Variants in TRANK1 observed in about 807,000 individuals in gnomAD.
The protein encoded by TRANK1 is TPR and ankyrin repeat-containing protein 1.
In TRANK1, 198 loss-of-function variants were observed where a neutral mutation model predicts 266.0. That is an observed-to-expected ratio of 0.74 (90% CI 0.66 to 0.84). The LOEUF (loss-of-function observed/expected upper bound fraction) is 0.84. TRANK1 is among the 40% of genes least tolerant of loss of function. The pLI, the probability that TRANK1 is intolerant of heterozygous loss-of-function variation, is 0.00. For synonymous variants in TRANK1, 1,396 were observed against 1,384.1 expected (o/e 1.01, Z -0.19); for missense variants, 3,326 against 3,634.6 (o/e 0.92, Z 2.18).
intron 8 of TRANK1, among the ~76,000 whole-genome samples, chr3:36,881,676 A>G (rs2079533864): frequency 6.6e-6 from 1 of 152,198 alleles, no homozygotes; most frequent in Non-Finnish European, 1.5e-5. Context: ...ATGAAGTTGT[A>G]CAACCATCAC....
In TRANK1 at chr3:36,890,102, T is replaced by C. The variant is rs1575269935; in HGVS notation, c.776-142A>G. On this transcript the variant is annotated intron_variant, in intron 7 of 23. Transcript: ENST00000645898. Reference sequence around the variant, plus strand: ...TGTGGACCACGCTAAGGTAACCAAATGAGGAATCCAACATACGTTTCCACT... The same window carrying C: ...TGTGGACCACGCTAAGGTAACCAAACGAGGAATCCAACATACGTTTCCACT... 40 of 1,125,592 alleles carry C rather than the reference T, an allele frequency of 3.6e-5. No individual in the cohort carries two copies. The East Asian group carries it at 1.0e-3, about 28-fold the overall frequency. 69.7% of individuals were successfully genotyped at this position (1,125,592 alleles called of 1,614,324 possible).
At chr3:36,905,459 A>G (rs1000798746) in intron 2 of TRANK1, among the ~76,000 whole-genome samples, 12 of 152,316 alleles carry the variant, frequency 7.9e-5, no homozygotes, top group Non-Finnish European at 1.6e-4. Context: ...CTTTGCACGT[A>G]ACACAGTGAG....
intron 1 of TRANK1, among the ~76,000 whole-genome samples, chr3:36,909,248 G>T (rs1413870637): frequency 6.6e-6 from 1 of 152,172 alleles, no homozygotes; most frequent in East Asian, 1.9e-4. Context: ...AACATAAGGG[G>T]TACTTAAATA....
rs576614473 is a variant in TRANK1, at chr3:36,881,304, T to C, written c.908-7008A>G. On this transcript the variant is annotated intron_variant, in intron 8 of 23. Transcript: ENST00000645898. ...CCATCTCTACTAAAAATACAAAAAT[T>C]AGCCAGGCATGGTGGCATGCGCCTG... 2.1e-3 allele frequency among the ~76,000 whole-genome samples: 322 copies of C among 152,066 alleles called. 2 individuals carry two copies. Among genetic ancestry groups the C allele is most frequent in the African/African-American group, 7.1e-3 (295 of 41,476 alleles).
In TRANK1 at chr3:36,917,561, T is replaced by C. The variant is rs368931413; in HGVS notation, c.24-9107A>G. ...TTCTTTCTTTCTTTTTGTGTATTTA[T>C]CTGTTTGTTTAAGGGAGGGCAGGAG... On this transcript the variant is annotated intron_variant, in intron 1 of 23. Coordinates refer to ENST00000645898, the MANE Select transcript of TRANK1 (RefSeq NM_001329998.2). Among the ~76,000 whole-genome samples the C allele has an allele frequency of 3.3e-5, 5 of 152,294 alleles. No individual in the cohort carries two copies. The East Asian group carries it at 5.8e-4, about 18-fold the overall frequency.
intron 1 of TRANK1, among the ~76,000 whole-genome samples, chr3:36,914,135 G>T (rs903525414): frequency 1.3e-5 from 2 of 151,474 alleles, no homozygotes; most frequent in Admixed American, 6.6e-5. Context: ...GGTTTGTTTT[G>T]TTTTTGTTTT....
At chr3:36,913,085 A>C (rs1471750027) in intron 1 of TRANK1, among the ~76,000 whole-genome samples, 3 of 149,486 alleles carry the variant, frequency 2.0e-5, no homozygotes, top group African/African-American at 7.5e-5. Flanking sequence ...TCTGTCACCC[A>C]GGCTGGAGTG....
rs2079484792 is a variant in TRANK1, at chr3:36,879,903, T to C, written c.908-5607A>G. 2.5e-5 allele frequency among the ~76,000 whole-genome samples: 2 copies of C among 78,998 alleles called. 1 individual carries two copies. The highest frequency in any genetic ancestry group is 4.4e-5 in the Non-Finnish European group (2 of 45,832). 51.8% of individuals were successfully genotyped at this position (78,998 alleles called of 152,430 possible). A position where few individuals can be genotyped will look rare whatever the true frequency, so the allele number is the denominator to read the frequency against. ...ATATATGTAAACATGCAAATATATG[T>C]AAACATGCAAATATATGTAAACATG... On this transcript the variant is annotated intron_variant, in intron 8 of 23. Coordinates refer to ENST00000645898, the MANE Select transcript of TRANK1 (RefSeq NM_001329998.2).
At chr3:36,874,997 T>C (rs1425058267) in intron 8 of TRANK1, among the ~76,000 whole-genome samples, 2 of 146,192 alleles carry the variant, frequency 1.4e-5, no homozygotes, top group Admixed American at 6.9e-5. Context: ...ACTGCACTTC[T>C]CCCACTTTAC....
rs765286964 is a variant in TRANK1 at position 36,856,782 on chromosome 3, G to A, written c.2940C>T (p.Gly980=). The A allele has an allele frequency of 6.2e-7, 1 of 1,613,982 alleles. No individual in the cohort carries two copies. The highest frequency in any genetic ancestry group is 8.5e-7 in the Non-Finnish European group (1 of 1,179,894). Residue 980 remains glycine (G), a synonymous_variant, in exon 13 of 24, where the codon GGC becomes GGT. Transcript: ENST00000645898. The part of the protein sequence containing the change: ...LRKKLKGINK[G]QVSANMKIQK... ...GAATTTTCATGTTAGCTGACACTTG[G>A]CCTTTATTGATACCTTTCAGCTTCT... is the stretch of plus-strand genomic sequence containing the variant.
rs2079841453 is a variant in TRANK1, at chr3:36,899,323, A to G, written c.283-64T>C. On this transcript the variant is annotated intron_variant, in intron 3 of 23. Transcript: ENST00000645898. The stretch of plus-strand genomic sequence containing the variant: ...TCTCCTTTAACCTGCTGGTGAAAGA[A>G]AAAGCAAAATTGGCAACATGGGAAA... 3.4e-6 allele frequency: 5 copies of G among 1,489,998 alleles called. No homozygotes were observed. In the Admixed American group the frequency reaches 1.2e-4, roughly 35 times the overall value. The allele number at this position is 1,489,998 out of a possible 1,614,324, so 92.3% of individuals were successfully genotyped here.
At chr3:36,944,083 C>A (rs1354116360) in intron 1 of TRANK1, among the ~76,000 whole-genome samples, 1 of 152,106 alleles carries the variant, frequency 6.6e-6, no homozygotes, top group African/African-American at 2.4e-5. Context: ...GGAGGAAACG[C>A]AACGCGCCTC....
In TRANK1 at chr3:36,852,261, C is replaced by T; in HGVS notation, c.4634G>A (p.Gly1545Asp). 6.2e-7 allele frequency: 1 copy of T among 1,613,566 alleles called. No homozygotes were observed. The highest frequency in any genetic ancestry group is 8.5e-7 in the Non-Finnish European group (1 of 1,179,754). ...AGTTGGCTTAGGACCATCAAAGAGGCCAGAATCCCTTGGAAGGCGATCAAA... is the reference window on the plus strand; with the variant it reads ...AGTTGGCTTAGGACCATCAAAGAGGTCAGAATCCCTTGGAAGGCGATCAAA... Reference protein sequence around the residue: ...ESFDRLPRDSGLFDGPKPTVL... With the variant: ...ESFDRLPRDSDLFDGPKPTVL... The change falls in exon 14 of 24, where the codon GGC (glycine) becomes GAC (aspartate). Residue 1545 changes from glycine to aspartate, a missense_variant. Transcript: ENST00000645898.
rs374867819 is a variant in TRANK1 at position 36,831,523 on chromosome 3, C to T, written c.8060G>A (p.Cys2687Tyr). 1.9e-6 allele frequency: 3 copies of T among 1,613,408 alleles called. No individual in the cohort carries two copies. The highest frequency in any genetic ancestry group is 2.5e-6 in the Non-Finnish European group (3 of 1,179,642). ...ATCCATCTCATCCTGGCCAAACTCA[C>T]ACTCAGGTTCAGCAAAGTAGTCCAC... ...DPVDYFAEPE[C>Y]EFGQDEMDEL... Residue 2687 changes from cysteine (C) to tyrosine (Y), a missense_variant, in exon 22 of 24, where the codon TGT becomes TAT. Physicochemically the swap from Cys to Tyr is radical, Grantham distance 194. Coordinates refer to ENST00000645898, the MANE Select transcript of TRANK1 (RefSeq NM_001329998.2). This position sits in a 1 kb window ranked among gnomAD's most constrained non-coding sequence, Gnocchi z 5.0.
intron 9 of TRANK1, among the ~76,000 whole-genome samples, chr3:36,866,290 A>C (rs1435630127): frequency 6.6e-6 from 1 of 152,264 alleles, no homozygotes; most frequent in African/African-American, 2.4e-5. Flanking sequence ...TTGTGAAGAA[A>C]TGAATGAATG....
At position 36,908,435 on chromosome 3, in the gene TRANK1, C is replaced by G. The variant is rs2080004927; in HGVS notation, c.43G>C (p.Ala15Pro). 3 of 1,232,210 alleles carry G rather than the reference C, an allele frequency of 2.4e-6. No individual in the cohort carries two copies. The highest frequency in any genetic ancestry group is 3.0e-6 in the Non-Finnish European group (3 of 988,004). The allele number at this position is 1,232,210 out of a possible 1,614,324, so 76.3% of individuals were successfully genotyped here. A position where few individuals can be genotyped will look rare whatever the true frequency, so the allele number is the denominator to read the frequency against. Residue 15 changes from alanine to proline, a missense_variant, in exon 2 of 24, where the codon GCT becomes CCT. Transcript: ENST00000645898. ...RAARMDLTAY[A>P]ELLKESGNQV... is the part of the protein sequence containing the mutation. ...TTGCCGGATTCTTTCAGCAGCTCAG[C>G]GTAAGCTGTCAGGTCCATCCTGTGA...
intron 8 of TRANK1, among the ~76,000 whole-genome samples, chr3:36,878,035 C>CA (rs1448690378): frequency 8.2e-6 from 1 of 122,374 alleles, no homozygotes; most frequent in African/African-American, 3.5e-5. Flanking sequence ...CAGGGGTCCC[C>CA]AACCCCCCAG....
At chr3:36,940,465 A>C (rs1206148454) in intron 1 of TRANK1, among the ~76,000 whole-genome samples, 1 of 150,450 alleles carries the variant, frequency 6.6e-6, no homozygotes, top group Non-Finnish European at 1.5e-5. Flanking sequence ...GTGCCACTGC[A>C]CTCCAGCCTG....
chr3:36,851,875 A>C lies in TRANK1; in HGVS notation c.4750-19T>G. The C allele has an allele frequency of 2.5e-6, 4 of 1,575,132 alleles. No individual in the cohort carries two copies. Among genetic ancestry groups the C allele is most frequent in the Non-Finnish European group, 3.4e-6 (4 of 1,162,586 alleles). On this transcript the variant is annotated intron_variant, in intron 14 of 23. Coordinates refer to ENST00000645898, the MANE Select transcript of TRANK1 (RefSeq NM_001329998.2). ...GGATTACCTGAAGAAAAACAAAAGA[A>C]CATCAAATTCTACAGAGAAAACCCC...
Sources: allele counts gnomAD v4.1 joint callset (sites outside exome capture counted in the v4.1 genomes callset), GRCh38; gene constraint gnomAD v4.1.1; non-coding constraint Gnocchi (gnomAD v3.1); transcripts MANE v1.5; gene names NCBI Gene and HGNC (gene_info 2026-07-23, HGNC 2026-07-21).